The following PARP9 variants were observed in gnomAD, a reference collection of about 807,000 sequenced individuals.
PARP9 encodes the protein protein mono-ADP-ribosyltransferase PARP9.
PARP9 carries 48 observed loss-of-function variants against 68.8 expected under a neutral mutation model. The observed-to-expected ratio is 0.70, with a 90% confidence interval of 0.55 to 0.89. The LOEUF is 0.89. PARP9 is among the 40% of genes least tolerant of loss of function. The probability of loss-of-function intolerance (pLI) is 0.00; values close to 1 mark genes in which losing one functional copy is unlikely to be tolerated. For missense variants in PARP9, 806 were observed against 969.3 expected (o/e 0.83, Z 2.24); for synonymous variants, 309 against 333.8 (o/e 0.93, Z 0.81).
In PARP9 at chr3:122,540,471, C is replaced by T. The variant is rs760623639; in HGVS notation, c.1765+1G>A. On this transcript the variant is annotated splice_donor_variant, in intron 8 of 10. Coordinates refer to ENST00000682323, the MANE Select transcript of PARP9 (RefSeq NM_001146105.2). LOFTEE classifies it high-confidence loss of function. ...TTCTAATTTGATAGAAAGTTACTCA[C>T]CTAACGAGCGCCAAAGGCCTCGCTC... is the stretch of plus-strand genomic sequence containing the variant. The T allele has an allele frequency of 1.9e-6, 3 of 1,611,956 alleles. No individual in the cohort carries two copies. Among genetic ancestry groups the T allele is most frequent in the Admixed American group, 1.7e-5 (1 of 59,872 alleles).
rs145948621 is a variant in PARP9 at position 122,540,891 on chromosome 3, G to GTTTTTTT, written c.1385-40_1385-39insAAAAAAA. The GTTTTTTT allele has an allele frequency of 1.9e-5, 28 of 1,475,100 alleles. 1 individual carries two copies. Among genetic ancestry groups the GTTTTTTT allele is most frequent in the East Asian group, 4.8e-5 (2 of 41,992 alleles). The allele number at this position is 1,475,100 out of a possible 1,614,324, so 91.4% of individuals were successfully genotyped here. A position where few individuals can be genotyped will look rare whatever the true frequency, so the allele number is the denominator to read the frequency against. On this transcript the variant is annotated intron_variant, in intron 7 of 10. Transcript: ENST00000682323. ...AATAAGCAACCATGGAAGACTAGCA[G>GTTTTTTT]TTTTTTGTTTTTTTTTTGAGATGGA...
chr3:122,558,289 G>A (rs2079877429), intron 3 of PARP9, 145 bp downstream of exon 3: 1 of 1,597,526 alleles, frequency 6.3e-7, no homozygotes, highest in Non-Finnish European at 8.6e-7. Context: ...CAACTCTGAA[G>A]CATGTGCGGG....
At chr3:122,546,179 G>C (rs1408539071) in intron 6 of PARP9, among the ~76,000 whole-genome samples, 1 of 152,170 alleles carries the variant, frequency 6.6e-6, no homozygotes, top group Non-Finnish European at 1.5e-5. Context: ...GACTTACAAT[G>C]GTTTGATTTA....
intron 10 of PARP9, chr3:122,535,794 T>G: frequency 1.9e-6 from 2 of 1,040,896 alleles, no homozygotes; most frequent in Middle Eastern, 4.5e-4. Context: ...AATTAAGGGA[T>G]GAGGACGGTT....
At chr3:122,564,208 G>C (rs940693287) in intron 1 of PARP9, 37 bp downstream of exon 1, 3 of 536,306 alleles carry the variant, frequency 5.6e-6, no homozygotes, top group Non-Finnish European at 9.6e-6. Flanking sequence ...TGCAGGAGAG[G>C]GGACCCCGAG....
chr3:122,535,401 A>G, intron 10 of PARP9: 1 of 985,434 alleles, frequency 1.0e-6, no homozygotes, highest in South Asian at 4.7e-5. Context: ...ACTCCTCAGC[A>G]AGGATCATGC....
intron 10 of PARP9, chr3:122,535,202 G>A (rs2077554576): frequency 1.0e-6 from 1 of 985,276 alleles, no homozygotes; most frequent in South Asian, 4.7e-5. Context: ...CTAATGAAGG[G>A]ACTATACTGA....
intron 8 of PARP9, among the ~76,000 whole-genome samples, chr3:122,539,194 T>A (rs2077893027): frequency 6.6e-6 from 1 of 152,234 alleles, no homozygotes; most frequent in African/African-American, 2.4e-5. Flanking sequence ...TTCTTGACGT[T>A]TTCTTTCTTT....
chr3:122,552,606 C>T lies in PARP9; in HGVS notation c.919G>A (p.Asp307Asn). Reference protein sequence around the residue: ...DVIVNSVNPHDITVGPVAKSI... With the variant: ...DVIVNSVNPHNITVGPVAKSI... ...TTTGCCACAGGTCCAACTGTAATAT[C>T]ATGTGGGTTTACAGAATTAACAATT... Residue 307 changes from aspartate to asparagine, a missense_variant, in exon 5 of 11, where the codon GAT (aspartate) becomes AAT (asparagine). Physicochemically the swap from Asp to Asn is conservative, Grantham distance 23. Coordinates refer to ENST00000682323, the MANE Select transcript of PARP9 (RefSeq NM_001146105.2). 1 of 1,613,522 alleles carries T rather than the reference C, an allele frequency of 6.2e-7. No homozygotes were observed. The highest frequency in any genetic ancestry group is 1.3e-5 in the African/African-American group (1 of 75,002).
chr3:122,528,485 G>C lies in PARP9; in HGVS notation c.2339C>G (p.Pro780Arg). 1 of 1,614,164 alleles carries C rather than the reference G, an allele frequency of 6.2e-7. No individual in the cohort carries two copies. ...CTGGGTGCATGTCCACAAATACTGA[G>C]GTATAGCCTGCATGCCACTAAAAAT... is the stretch of plus-strand genomic sequence containing the variant. ...FVIFSGMQAI[P>R]QYLWTCTQEY... is the part of the protein sequence containing the mutation. The change falls in exon 11 of 11, where the codon CCT becomes CGT. Residue 780 changes from proline to arginine, a missense_variant. Pro to Arg is a moderately radical substitution (Grantham distance 103). This residue lies in a region of PARP9 where 680 missense variants were observed against 858.8 expected (regional missense o/e 0.79). Transcript: ENST00000682323.
rs182984829 is a variant in PARP9 at position 122,534,426 on chromosome 3, C to A, written c.2080+1742G>T. On this transcript the variant is annotated intron_variant, in intron 10 of 10. Transcript: ENST00000682323. ...CATGGAATAGGGAGTCCTCTCTATA[C>A]CTGTTCGGCAGCATGTAGATAAGTG... 70 of 985,482 alleles carry A rather than the reference C, an allele frequency of 7.1e-5. No homozygotes were observed. The African/African-American group carries it at 1.2e-3, about 17-fold the overall frequency. 61.0% of individuals were successfully genotyped at this position (985,482 alleles called of 1,614,324 possible). A position where few individuals can be genotyped will look rare whatever the true frequency, so the allele number is the denominator to read the frequency against.
intron 10 of PARP9, chr3:122,534,992 G>A (rs1031939988): frequency 1.0e-5 from 10 of 981,216 alleles, no homozygotes; most frequent in Non-Finnish European, 1.2e-5. Flanking sequence ...AGATGTTTTA[G>A]TAAGAAAGAT....
chr3:122,549,571 A>G (rs957766396), intron 6 of PARP9, among the ~76,000 whole-genome samples: 3 of 152,322 alleles, frequency 2.0e-5, no homozygotes, highest in Middle Eastern at 3.4e-3. Flanking sequence ...ACTTGAGCCC[A>G]GGAGCTCAAG....
Position 122,534,977 on chromosome 3 carries a change from G to A in PARP9, c.2080+1191C>T, listed in dbSNP as rs188903343. On this transcript the variant is annotated intron_variant, in intron 10 of 10. Coordinates refer to ENST00000682323, the MANE Select transcript of PARP9 (RefSeq NM_001146105.2). Reference sequence around the variant, plus strand: ...CATATTCCTTGGGAGGATAGTGGGTGTCTTAGATGTTTTAGTAAGAAAGAT... The same window carrying A: ...CATATTCCTTGGGAGGATAGTGGGTATCTTAGATGTTTTAGTAAGAAAGAT... 2.2e-3 allele frequency: 2,134 copies of A among 981,408 alleles called. 5 individuals carry two copies. The highest frequency in any genetic ancestry group is 2.4e-3 in the Non-Finnish European group (2,022 of 826,248). 60.8% of individuals were successfully genotyped at this position (981,408 alleles called of 1,614,324 possible).
upstream of PARP9, chr3:122,564,410 T>A: frequency 6.2e-7 from 1 of 1,601,076 alleles, no homozygotes; most frequent in African/African-American, 1.3e-5. Flanking sequence ...CCCCGCGCCC[T>A]CCCGACGCGC....
At position 122,555,850 on chromosome 3, in the gene PARP9, A is replaced by G; in HGVS notation, c.321T>C (p.Asp107=). 1 of 1,614,018 alleles carries G rather than the reference A, an allele frequency of 6.2e-7. No individual in the cohort carries two copies. The highest frequency in any genetic ancestry group is 8.5e-7 in the Non-Finnish European group (1 of 1,180,016). The part of the protein sequence containing the change: ...VDAVVNAANE[D]LLHGGGLALA... ...GGGCCAGGCCTCCCCCATGCAGAAG[A>G]TCTTCATTGGCTGCATTCACCACAG... is the stretch of plus-strand genomic sequence containing the variant. The change falls in exon 4 of 11, where the codon GAT becomes GAC. Residue 107 remains aspartate (D), a synonymous_variant. Coordinates refer to ENST00000682323, the MANE Select transcript of PARP9 (RefSeq NM_001146105.2).
chr3:122,537,209 C>A, intron 8 of PARP9, 136 bp from the exon 9 acceptor site: 3 of 859,312 alleles, frequency 3.5e-6, no homozygotes, highest in South Asian at 3.7e-5. Flanking sequence ...TTAGGACATG[C>A]GAGGAGAGCT....
Position 122,544,646 on chromosome 3 carries a change from G to A in PARP9, c.1384+786C>T, listed in dbSNP as rs117898236. On this transcript the variant is annotated intron_variant, in intron 7 of 10. Transcript: ENST00000682323. ...AGTCTGGGCAACATGGCGAAACCCC[G>A]TCTCTACCAAAAAAAAAATTAAATA... Among the ~76,000 whole-genome samples, 243 of 151,882 alleles carry A rather than the reference G, an allele frequency of 1.6e-3. 5 individuals carry two copies. The East Asian group carries it at 0.039, about 25-fold the overall frequency.
At chr3:122,548,610 A>G (rs1435774614) in intron 6 of PARP9, among the ~76,000 whole-genome samples, 1 of 152,220 alleles carries the variant, frequency 6.6e-6, no homozygotes, top group Admixed American at 6.5e-5. Context: ...GCACTGCAAT[A>G]TATACTAATT....
Sources: gnomAD v4.1 joint callset for allele counts (sites outside exome capture counted in the v4.1 genomes callset) on GRCh38, gnomAD v4.1.1 for gene constraint, gnomAD v4.1.1 regional missense constraint, MANE v1.5 for transcripts, NCBI Gene and HGNC (gene_info 2026-07-23, HGNC 2026-07-21) for gene names.